PLXDC2: variants seen among roughly 807,000 people sequenced by gnomAD.
PLXDC2 encodes the protein plexin domain containing 2.
Under a neutral mutation model 68.9 loss-of-function variants are expected in PLXDC2, and 40 were observed. The observed-to-expected ratio is 0.58, with a 90% CI of 0.45 to 0.76. PLXDC2 has a LOEUF of 0.76. Ranked by LOEUF, PLXDC2 falls within the 30% of genes least tolerant of loss-of-function variation. The pLI is 0.00. For synonymous variants in PLXDC2, 243 were observed against 234.2 expected, an observed-to-expected ratio of 1.04 and a Z score of -0.34; for missense variants, 644 against 661.9, an observed-to-expected ratio of 0.97 and a Z score of 0.30.
chr10:19,854,968 A>G (rs1320847123), intron 1 of PLXDC2, among the ~76,000 whole-genome samples: 2 of 152,218 alleles, frequency 1.3e-5, no homozygotes, highest in Non-Finnish European at 2.9e-5. Context: ...ATATATCTCA[A>G]TTTGAAGAAA....
At chr10:20,036,144 C>G (rs960340067) in intron 2 of PLXDC2, among the ~76,000 whole-genome samples, 4 of 152,124 alleles carry the variant, frequency 2.6e-5, no homozygotes, top group Admixed American at 2.6e-4. Flanking sequence ...TGTGGACTAA[C>G]GTTGTACCCC....
chr10:19,870,887 A>T (rs138674332), intron 1 of PLXDC2, among the ~76,000 whole-genome samples: 77 of 152,332 alleles, frequency 5.1e-4, no homozygotes, highest in African/African-American at 1.7e-3. Flanking sequence ...TACATGCATG[A>T]TCTCATGTAA....
chr10:19,960,739 A>T (rs1300689344), intron 1 of PLXDC2, among the ~76,000 whole-genome samples: 1 of 152,014 alleles, frequency 6.6e-6, no homozygotes, highest in Non-Finnish European at 1.5e-5. Context: ...CTGATTACAT[A>T]TTTTTTTCCT....
At chr10:20,230,407 T>C (rs2131877474) in intron 12 of PLXDC2, among the ~76,000 whole-genome samples, 1 of 152,208 alleles carries the variant, frequency 6.6e-6, no homozygotes, top group Admixed American at 6.5e-5. Context: ...TAGTGTCTCA[T>C]GCTTGTAATC....
chr10:20,202,586 A>G (rs953276483), intron 9 of PLXDC2, among the ~76,000 whole-genome samples: 3 of 152,162 alleles, frequency 2.0e-5, no homozygotes, highest in Non-Finnish European at 4.4e-5. Flanking sequence ...AAACTCCCTT[A>G]GCCAGCATAT....
At chr10:19,995,132 G>C (rs1437047817) in intron 1 of PLXDC2, among the ~76,000 whole-genome samples, 1 of 152,126 alleles carries the variant, frequency 6.6e-6, no homozygotes, top group Non-Finnish European at 1.5e-5. Context: ...AAATAAGCTA[G>C]AGTCTCTATT....
At chr10:19,902,890 G>C (rs772207363) in intron 1 of PLXDC2, among the ~76,000 whole-genome samples, 1 of 152,174 alleles carries the variant, frequency 6.6e-6, no homozygotes, top group African/African-American at 2.4e-5. Context: ...AATCATAAAA[G>C]AATGCTGGAT....
intron 4 of PLXDC2, among the ~76,000 whole-genome samples, chr10:20,127,996 A>C (rs771056293): frequency 1.3e-5 from 2 of 152,316 alleles, no homozygotes; most frequent in East Asian, 1.9e-4. Context: ...ATCTATCCCA[A>C]ATGGGTTATG....
intron 6 of PLXDC2, among the ~76,000 whole-genome samples, chr10:20,160,812 A>G (rs1325907737): frequency 2.0e-5 from 3 of 152,206 alleles, no homozygotes; most frequent in Non-Finnish European, 4.4e-5. Flanking sequence ...TTCAAGTTTA[A>G]TTATACCTAG....
At chr10:20,238,686 T>C (rs1359346554) in intron 12 of PLXDC2, among the ~76,000 whole-genome samples, 2 of 139,326 alleles carry the variant, frequency 1.4e-5, no homozygotes, top group East Asian at 2.1e-4. Flanking sequence ...TGTATATATA[T>C]ATATATACAC....
At chr10:20,058,325 T>C (rs1467544794) in intron 3 of PLXDC2, among the ~76,000 whole-genome samples, 1 of 152,120 alleles carries the variant, frequency 6.6e-6, no homozygotes, top group Non-Finnish European at 1.5e-5. Context: ...TGAAGTAGTG[T>C]CAACACACAT....
intron 4 of PLXDC2, among the ~76,000 whole-genome samples, chr10:20,068,739 T>C (rs1836262749): frequency 6.6e-6 from 1 of 151,490 alleles, no homozygotes; most frequent in Non-Finnish European, 1.5e-5. Context: ...CCTATTTTGA[T>C]TGACAACTCA....
At chr10:20,103,724 C>T (rs1012052045) in intron 4 of PLXDC2, among the ~76,000 whole-genome samples, 1 of 151,554 alleles carries the variant, frequency 6.6e-6, no homozygotes, top group African/African-American at 2.4e-5. Flanking sequence ...TCACTGTAAC[C>T]TCCACCTCCT....
chr10:19,991,615 C>T (rs1834752454), intron 1 of PLXDC2, among the ~76,000 whole-genome samples: 2 of 152,062 alleles, frequency 1.3e-5, no homozygotes, highest in African/African-American at 2.4e-5. Flanking sequence ...CGTCTCTGGT[C>T]GTTGGATAAG....
chr10:20,268,260 A>G (rs1835895735), intron 13 of PLXDC2, among the ~76,000 whole-genome samples: 1 of 152,204 alleles, frequency 6.6e-6, no homozygotes, highest in Admixed American at 6.5e-5. Flanking sequence ...AAAATTGCAA[A>G]ATAAGTAAAT....
intron 6 of PLXDC2, among the ~76,000 whole-genome samples, chr10:20,162,055 AGAGAGAGAGAGAGAGAGAAG>A (rs1834300699): frequency 8.5e-6 from 1 of 118,228 alleles, no homozygotes; most frequent in Non-Finnish European, 1.8e-5. Context: ...AGAGAGAGAG[AGAGAGAGAGAGAGAGAGAAG>A]GAAGGAAGGA....
intron 1 of PLXDC2, among the ~76,000 whole-genome samples, chr10:19,910,591 C>CTTTTTTT (rs1006322581): frequency 1.1e-5 from 1 of 92,558 alleles, no homozygotes; most frequent in Non-Finnish European, 2.1e-5. Context: ...TAAGTGGTTG[C>CTTTTTTT]TTTTTTTTTT....
intron 12 of PLXDC2, among the ~76,000 whole-genome samples, chr10:20,238,696 C>CACACATATATGTATATATATAT (rs1554777591): frequency 8.8e-6 from 1 of 113,260 alleles, no homozygotes; most frequent in African/African-American, 3.5e-5. Context: ...TATATATACA[C>CACACATATATGTATATATATAT]ACATATATAT....
chr10:19,930,173 CA>C lies in PLXDC2; in HGVS notation c.113-71599del, dbSNP rs762371371. Among the ~76,000 whole-genome samples, 343 of 152,186 alleles carry C rather than the reference CA, an allele frequency of 2.3e-3. 1 individual carries two copies. The highest frequency in any genetic ancestry group is 2.6e-3 in the Non-Finnish European group (178 of 68,008). ...GCAGGCATTATACTCTTCTTAGGCC[CA>C]AATTCTAAAATTCCATTTTAGGAGA... is the stretch of plus-strand genomic sequence containing the variant. On this transcript the variant is annotated intron_variant, in intron 1 of 13. Coordinates refer to ENST00000377252, the MANE Select transcript of PLXDC2 (RefSeq NM_032812.9).
Sources: allele counts gnomAD v4.1 joint callset (sites outside exome capture counted in the v4.1 genomes callset), GRCh38; gene constraint gnomAD v4.1.1; transcripts MANE v1.5; gene names NCBI Gene and HGNC (gene_info 2026-07-23, HGNC 2026-07-21).